DNAH3: variants seen among roughly 807,000 people sequenced by gnomAD.
The protein encoded by DNAH3 is axonemal beta dynein heavy chain 3.
Under a neutral mutation model 432.5 loss-of-function variants are expected in DNAH3, and 332 were observed. The observed-to-expected ratio is 0.77, with a 90% CI of 0.70 to 0.84. The LOEUF is 0.84. DNAH3 is among the 40% of genes least tolerant of loss of function. The pLI is 0.00. For missense variants in DNAH3, 4,861 were observed against 5,114.0 expected, an observed-to-expected ratio of 0.95 and a Z score of 1.51; for synonymous variants, 1,956 against 1,900.2, an observed-to-expected ratio of 1.03 and a Z score of -0.76.
chr16:20,979,882 T>C (rs2085776502), intron 49 of DNAH3, among the ~76,000 whole-genome samples: 1 of 152,158 alleles, frequency 6.6e-6, no homozygotes, highest in East Asian at 1.9e-4. Flanking sequence ...CCCGAGTAGC[T>C]GGGATTACAG....
intron 41 of DNAH3, among the ~76,000 whole-genome samples, chr16:21,016,845 C>T (rs1279647194): frequency 1.3e-5 from 2 of 152,150 alleles, no homozygotes; most frequent in African/African-American, 2.4e-5. Context: ...AATTCTGACA[C>T]GTGCTACAAC....
exon 17 of DNAH3, chr16:21,098,633 C>A: frequency 6.2e-7 from 1 of 1,612,962 alleles, no homozygotes; most frequent in Non-Finnish European, 8.5e-7. Context: ...TCTGCAAACG[C>A]CCGATTTAGG....
intron 1 of DNAH3, among the ~76,000 whole-genome samples, chr16:21,148,207 C>T (rs1236628452): frequency 6.6e-6 from 1 of 152,134 alleles, no homozygotes; most frequent in Admixed American, 6.5e-5. Context: ...CATTATCTCT[C>T]CCGGAGCACC....
chr16:21,149,226 C>CA (rs36041463), intron 1 of DNAH3, among the ~76,000 whole-genome samples: 61,490 of 131,478 alleles, frequency 0.47, 13,155 homozygotes, highest in East Asian at 0.68. Flanking sequence ...CAAACTGTCT[C>CA]AAAAAAAAAA....
intron 49 of DNAH3, among the ~76,000 whole-genome samples, chr16:20,981,722 C>G (rs951844972): frequency 4.6e-5 from 7 of 151,854 alleles, no homozygotes; most frequent in African/African-American, 1.7e-4. Context: ...GAGACTCCAT[C>G]TCAAAATAAA....
Position 21,070,915 on chromosome 16 carries a change from G to A in DNAH3, c.3085-89C>T, listed in dbSNP as rs1406717163. 98 of 821,772 alleles carry A rather than the reference G, an allele frequency of 1.2e-4. 5 individuals carry two copies. The South Asian group carries it at 1.3e-3, about 11-fold the overall frequency. 50.9% of individuals were successfully genotyped at this position (821,772 alleles called of 1,614,324 possible). A position where few individuals can be genotyped will look rare whatever the true frequency, so the allele number is the denominator to read the frequency against. Reference sequence around the variant, plus strand: ...TTAAAAATTTATTTATTTGAGACAGGGTCTCCTCACCCAGGCCTGAGTGCA... The same window carrying A: ...TTAAAAATTTATTTATTTGAGACAGAGTCTCCTCACCCAGGCCTGAGTGCA... On this transcript the variant is annotated intron_variant, in intron 21 of 61. Coordinates refer to ENST00000261383, the Ensembl canonical transcript of DNAH3.
chr16:21,020,407 T>A (rs959869616), intron 40 of DNAH3, among the ~76,000 whole-genome samples: 1 of 84,286 alleles, frequency 1.2e-5, no homozygotes, highest in African/African-American at 4.8e-5. Context: ...ATTTTTTTTT[T>A]TTTTTTTTTT....
At chr16:20,933,159 T>A in exon 62 of DNAH3, 2 of 1,608,678 alleles carry the variant, frequency 1.2e-6, no homozygotes, top group Non-Finnish European at 1.7e-6. Context: ...TGCCATCAGT[T>A]ATCCAGCTGG....
intron 5 of DNAH3, among the ~76,000 whole-genome samples, chr16:21,139,319 G>GTTTTTTTTT (rs2092686839): frequency 9.2e-5 from 3 of 32,766 alleles, no homozygotes; most frequent in Admixed American, 4.4e-4. Context: ...CTTTCCTCAT[G>GTTTTTTTTT]CTTTTTTTTT....
chr16:21,011,497 G>C (rs1051709934), intron 41 of DNAH3, among the ~76,000 whole-genome samples: 3 of 151,940 alleles, frequency 2.0e-5, no homozygotes, highest in African/African-American at 7.3e-5. Flanking sequence ...GCTGAGAATA[G>C]AGGTGTGTGC....
chr16:20,960,216 A>T (rs534792871), intron 53 of DNAH3, among the ~76,000 whole-genome samples: 8 of 152,212 alleles, frequency 5.3e-5, no homozygotes, highest in African/African-American at 1.9e-4. Context: ...TTTTTCTTTC[A>T]TGGATACATA....
chr16:21,034,099 T>A lies in DNAH3; in HGVS notation c.5086-14A>T. On this transcript the variant is annotated splice_polypyrimidine_tract_variant and intron_variant, in intron 35 of 61. Coordinates refer to ENST00000261383, the Ensembl canonical transcript of DNAH3. Reference sequence around the variant, plus strand: ...CATTTCGTAGATCTGGGAGGAGACATCATTCATAAAAGAAGCTAATCATTG... The same window carrying A: ...CATTTCGTAGATCTGGGAGGAGACAACATTCATAAAAGAAGCTAATCATTG... The A allele has an allele frequency of 1.8e-5, 28 of 1,566,368 alleles. No individual in the cohort carries two copies. The highest frequency in any genetic ancestry group is 2.5e-5 in the Non-Finnish European group (28 of 1,137,826).
chr16:21,021,534 T>C (rs781693646), intron 40 of DNAH3, among the ~76,000 whole-genome samples: 31 of 152,112 alleles, frequency 2.0e-4, no homozygotes, highest in Non-Finnish European at 3.7e-4. Context: ...CTATCTGCAC[T>C]CCAAAGGCTT....
At chr16:21,147,491 C>T (rs758072837) in intron 1 of DNAH3, among the ~76,000 whole-genome samples, 4 of 152,190 alleles carry the variant, frequency 2.6e-5, no homozygotes, top group Non-Finnish European at 4.4e-5. Flanking sequence ...GCTCGGATTA[C>T]AGGCATAAGC....
intron 18 of DNAH3, among the ~76,000 whole-genome samples, chr16:21,089,517 T>G (rs1182470649): frequency 3.3e-5 from 5 of 152,198 alleles, no homozygotes; most frequent in Non-Finnish European, 7.3e-5. Flanking sequence ...AAAGTGTCTT[T>G]TATGGCCATA....
intron 18 of DNAH3, among the ~76,000 whole-genome samples, chr16:21,087,414 T>A (rs2091413575): frequency 6.6e-6 from 1 of 152,216 alleles, no homozygotes; most frequent in Non-Finnish European, 1.5e-5. Context: ...CCAGTTGCAA[T>A]GGCTTACACT....
At chr16:20,976,243 G>A (rs971031162) in intron 50 of DNAH3, among the ~76,000 whole-genome samples, 19 of 151,512 alleles carry the variant, frequency 1.3e-4, no homozygotes, top group African/African-American at 4.6e-4. Context: ...TATCACCCAG[G>A]CTGTAGTGGT....
In DNAH3 at chr16:21,112,092, T is replaced by A. The variant is rs972919870; in HGVS notation, c.1821A>T (p.Leu607Phe). The A allele has an allele frequency of 6.2e-7, 1 of 1,606,586 alleles. No homozygotes were observed. Among genetic ancestry groups the A allele is most frequent in the Non-Finnish European group, 8.5e-7 (1 of 1,174,180 alleles). ...AGTCAACATACTTTTTGTAGACATT[T>A]AAATATCTTCCATATTGAAGGGTGT... The change falls in exon 13 of 62, where the codon TTA (leucine) becomes TTT (phenylalanine). Residue 607 changes from leucine to phenylalanine, a missense_variant. By Grantham distance (22) the Leu-to-Phe change is conservative (BLOSUM62 0). Transcript: ENST00000261383.
rs750159991 is a variant in DNAH3 at position 21,145,168 on chromosome 16, CT to C, written c.448+12del. Reference sequence around the variant, plus strand: ...AGCCCCATTCTGCAAGGGTGTGACACTGCCACAAGTACCTGATGATGGCAGC... The same window carrying C: ...AGCCCCATTCTGCAAGGGTGTGACACGCCACAAGTACCTGATGATGGCAGC... On this transcript the variant is annotated intron_variant, in intron 3 of 61. Transcript: ENST00000261383. The C allele has an allele frequency of 6.2e-7, 1 of 1,600,956 alleles. No individual in the cohort carries two copies. The highest frequency in any genetic ancestry group is 1.3e-5 in the African/African-American group (1 of 74,638).
Sources: allele counts gnomAD v4.1 joint callset (sites outside exome capture counted in the v4.1 genomes callset), GRCh38; gene constraint gnomAD v4.1.1; transcripts MANE v1.5; gene names NCBI Gene and HGNC (gene_info 2026-07-23, HGNC 2026-07-21).